The following CTNNA3 variants were observed in gnomAD, a reference collection of about 807,000 sequenced individuals.
The protein encoded by CTNNA3 is catenin alpha-3.
A neutral mutation model predicts 95.7 loss-of-function variants in CTNNA3; 76 were observed. The observed-to-expected ratio is 0.79, with a 90% confidence interval of 0.66 to 0.96. The LOEUF (loss-of-function observed/expected upper bound fraction) is 0.96. Among genes scored for constraint, CTNNA3 ranks in the 40% least tolerant of loss-of-function variants. The pLI is 0.00. For missense variants in CTNNA3, 1,191 were observed against 1,089.8 expected, an observed-to-expected ratio of 1.09 and a Z score of -1.31; for synonymous variants, 431 against 374.4, an observed-to-expected ratio of 1.15 and a Z score of -1.74.
chr10:65,952,944 A>C (rs1361322860), intron 17 of CTNNA3, among the ~76,000 whole-genome samples: 1 of 152,220 alleles, frequency 6.6e-6, no homozygotes, highest in African/African-American at 2.4e-5. Flanking sequence ...AATCCACAGA[A>C]CAGAGTGGTT....
At chr10:67,138,407 A>T (rs1177358936) in intron 7 of CTNNA3, among the ~76,000 whole-genome samples, 1 of 152,238 alleles carries the variant, frequency 6.6e-6, no homozygotes, top group Admixed American at 6.5e-5. Flanking sequence ...TCTGTAGCAA[A>T]CTAAATAAGT....
At position 65,990,109 on chromosome 10, in the gene CTNNA3, AC is replaced by A. The variant is rs554841143; in HGVS notation, c.2160-1313del. 5.4e-5 allele frequency among the ~76,000 whole-genome samples: 8 copies of A among 148,512 alleles called. No homozygotes were observed. The South Asian group carries it at 1.1e-3, about 20-fold the overall frequency. ...TGTGTGTGTGTATACACACACACAC[AC>A]CACATTTTATTTATCCATTTATCCA... On this transcript the variant is annotated intron_variant, in intron 15 of 17. Coordinates refer to ENST00000433211, the MANE Select transcript of CTNNA3 (RefSeq NM_013266.4).
chr10:67,726,517 TATTATATTATATATATTATTATATATTAC>T (rs1841224686), intron 1 of CTNNA3, among the ~76,000 whole-genome samples: 1 of 67,404 alleles, frequency 1.5e-5, no homozygotes, highest in Non-Finnish European at 2.5e-5. Context: ...TTATATATTA[TATTATATTATATATATTATTATATATTAC>T]ATATTATATA....
At position 66,261,771 on chromosome 10, in the gene CTNNA3, A is replaced by G. The variant is rs532207360; in HGVS notation, c.1884+18699T>C. ...AGATGTTCTTCGGATCCCCAATTCCAGTGAAACAGCTGATGACAACCATTT... is the reference window on the plus strand; with the variant it reads ...AGATGTTCTTCGGATCCCCAATTCCGGTGAAACAGCTGATGACAACCATTT... On this transcript the variant is annotated intron_variant, in intron 13 of 17. Coordinates refer to ENST00000433211, the MANE Select transcript of CTNNA3 (RefSeq NM_013266.4). 2.6e-5 allele frequency among the ~76,000 whole-genome samples: 4 copies of G among 152,128 alleles called. No homozygotes were observed. In the East Asian group the frequency reaches 7.7e-4, roughly 29 times the overall value.
intron 5 of CTNNA3, among the ~76,000 whole-genome samples, chr10:67,516,690 T>C (rs1011832938): frequency 2.0e-5 from 3 of 152,308 alleles, no homozygotes; most frequent in Middle Eastern, 3.4e-3. Flanking sequence ...CTCGTGCTGT[T>C]TATTAGGTCC....
chr10:67,365,972 A>C (rs1843199669), intron 5 of CTNNA3, among the ~76,000 whole-genome samples: 1 of 152,246 alleles, frequency 6.6e-6, no homozygotes, highest in African/African-American at 2.4e-5. Flanking sequence ...ACTTGGACCC[A>C]ACCCAAATGT....
intron 7 of CTNNA3, among the ~76,000 whole-genome samples, chr10:66,805,892 T>C (rs901913591): frequency 6.6e-6 from 1 of 152,074 alleles, no homozygotes; most frequent in Non-Finnish European, 1.5e-5. Flanking sequence ...TAGAAAAGTA[T>C]TTATCGATCA....
chr10:66,987,360 T>C (rs1195392835), intron 7 of CTNNA3, among the ~76,000 whole-genome samples: 1 of 152,180 alleles, frequency 6.6e-6, no homozygotes, highest in Non-Finnish European at 1.5e-5. Context: ...GTGATCATAG[T>C]CTGTGGACTT....
intron 13 of CTNNA3, among the ~76,000 whole-genome samples, chr10:66,269,775 C>T (rs1451808968): frequency 6.6e-6 from 1 of 152,108 alleles, no homozygotes; most frequent in Non-Finnish European, 1.5e-5. Context: ...CTAATACATA[C>T]ACTAAGAAAG....
At chr10:67,741,354 A>AT (rs902586569) in intron 1 of CTNNA3, among the ~76,000 whole-genome samples, 9 of 149,958 alleles carry the variant, frequency 6.0e-5, no homozygotes, top group African/African-American at 2.2e-4. Flanking sequence ...AACAAAAAAA[A>AT]AAAAAGAAAA....
At chr10:66,506,578 T>C (rs931204118) in intron 11 of CTNNA3, among the ~76,000 whole-genome samples, 1 of 152,170 alleles carries the variant, frequency 6.6e-6, no homozygotes, top group Non-Finnish European at 1.5e-5. Flanking sequence ...AAGATTTTGT[T>C]TACGTAACAA....
At chr10:67,524,664 T>G (rs1259877766) in intron 4 of CTNNA3, among the ~76,000 whole-genome samples, 1 of 151,778 alleles carries the variant, frequency 6.6e-6, no homozygotes, top group Non-Finnish European at 1.5e-5. Flanking sequence ...ATTTAAGCAG[T>G]TTTTTTTGCT....
chr10:66,904,086 A>C (rs1845878715), intron 7 of CTNNA3, among the ~76,000 whole-genome samples: 1 of 152,164 alleles, frequency 6.6e-6, no homozygotes, highest in Non-Finnish European at 1.5e-5. Context: ...TCCTAAGCAA[A>C]AAGAACAAGG....
At position 67,734,449 on chromosome 10, in the gene CTNNA3, T is replaced by C. The variant is rs112965116; in HGVS notation, c.-2+28985A>G. The stretch of plus-strand genomic sequence containing the variant: ...AAAATAAATATAAGACTCAAAGATA[T>C]ATATGATCCTGGGGAAAGGAATAAT... On this transcript the variant is annotated intron_variant, in intron 1 of 17. Coordinates refer to the CTNNA3 transcript ENST00000684154. 8.6e-3 allele frequency among the ~76,000 whole-genome samples: 1,311 copies of C among 152,212 alleles called. 25 individuals are homozygous for C. Among genetic ancestry groups the C allele is most frequent in the African/African-American group, 0.029 (1,219 of 41,548 alleles).
At chr10:66,921,950 A>G (rs970374161) in intron 7 of CTNNA3, among the ~76,000 whole-genome samples, 1 of 152,138 alleles carries the variant, frequency 6.6e-6, no homozygotes, top group Non-Finnish European at 1.5e-5. Context: ...GAAGTCAACA[A>G]CTGTTAAGAT....
At chr10:66,814,266 G>GAAAAAAAAAAA (rs71035182) in intron 7 of CTNNA3, among the ~76,000 whole-genome samples, 2 of 137,094 alleles carry the variant, frequency 1.5e-5, no homozygotes, top group Non-Finnish European at 3.2e-5. Flanking sequence ...AAGGAGGAAA[G>GAAAAAAAAAAA]AAAAAAAAAA....
intron 2 of CTNNA3, among the ~76,000 whole-genome samples, chr10:67,622,355 C>G (rs1451166477): frequency 6.6e-6 from 1 of 152,168 alleles, no homozygotes; most frequent in Non-Finnish European, 1.5e-5. Context: ...TCTATGGAAT[C>G]AGTCTGAATT....
At chr10:67,738,914 C>A (rs923524439) in intron 1 of CTNNA3, among the ~76,000 whole-genome samples, 3 of 152,102 alleles carry the variant, frequency 2.0e-5, no homozygotes, top group African/African-American at 7.2e-5. Flanking sequence ...AAGAAATGAA[C>A]AAAGCCTCCA....
intron 13 of CTNNA3, among the ~76,000 whole-genome samples, chr10:66,236,867 C>A (rs1187306564): frequency 6.6e-6 from 1 of 151,450 alleles, no homozygotes; most frequent in Non-Finnish European, 1.5e-5. Context: ...ACAATCCCAA[C>A]ACTTTAGGAG....
Sources: allele counts gnomAD v4.1 joint callset (sites outside exome capture counted in the v4.1 genomes callset), GRCh38; gene constraint gnomAD v4.1.1; transcripts MANE v1.5; gene names NCBI Gene and HGNC (gene_info 2026-07-23, HGNC 2026-07-21).